Variants in CGNL1 observed in about 807,000 individuals in gnomAD.
CGNL1 encodes the protein cingulin like 1.
CGNL1 carries 132 observed loss-of-function variants against 141.2 expected under a neutral mutation model. The observed-to-expected ratio is 0.93, with a 90% CI of 0.81 to 1.08. The LOEUF (loss-of-function observed/expected upper bound fraction) is 1.08. Among genes scored for constraint, CGNL1 ranks in the 50% least tolerant of loss-of-function variants. The pLI is 0.00. For synonymous variants in CGNL1, 690 were observed against 622.1 expected (o/e 1.11, Z -1.63); for missense variants, 1,870 against 1,588.6 (o/e 1.18, Z -3.01).
chr15:57,429,363 T>C (rs2063017215), intron 1 of CGNL1, among the ~76,000 whole-genome samples: 1 of 152,216 alleles, frequency 6.6e-6, no homozygotes. Flanking sequence ...ATTTTGTGTC[T>C]GCACTAACCA....
intron 1 of CGNL1, among the ~76,000 whole-genome samples, chr15:57,405,749 T>TTTCCTTTC (rs10676149): frequency 6.7e-6 from 1 of 149,920 alleles, no homozygotes. Flanking sequence ...TTTCTTTTCC[T>TTTCCTTTC]TTTTCTTTTT....
chr15:57,464,375 AAAAT>A (rs1224247232), intron 8 of CGNL1, among the ~76,000 whole-genome samples: 11 of 152,196 alleles, frequency 7.2e-5, no homozygotes, highest in African/African-American at 2.2e-4. Flanking sequence ...TTCAAATTAC[AAAAT>A]AAATAAAGAA....
At chr15:57,519,053 T>C (rs1259409232) in intron 10 of CGNL1, among the ~76,000 whole-genome samples, 1 of 152,256 alleles carries the variant, frequency 6.6e-6, no homozygotes, top group Non-Finnish European at 1.5e-5. Flanking sequence ...AGTCATTTCC[T>C]TGAAACTGGA....
At chr15:57,511,823 T>A (rs1416817680) in intron 8 of CGNL1, among the ~76,000 whole-genome samples, 1 of 152,210 alleles carries the variant, frequency 6.6e-6, no homozygotes, top group African/African-American at 2.4e-5. Flanking sequence ...GAGTAATAGC[T>A]AAAATATTGA....
At chr15:57,419,250 T>A (rs2062886708) in intron 1 of CGNL1, among the ~76,000 whole-genome samples, 1 of 151,914 alleles carries the variant, frequency 6.6e-6, no homozygotes, top group Non-Finnish European at 1.5e-5. Context: ...GACATTGCTT[T>A]AAAAAAAACC....
At chr15:57,546,314 C>T (rs2032865223) in intron 18 of CGNL1, 75 bp downstream of exon 18, 1 of 1,445,596 alleles carries the variant, frequency 6.9e-7, no homozygotes, top group African/African-American at 1.4e-5. Flanking sequence ...TCAGAGCATT[C>T]ACACTCCTGT....
At chr15:57,376,841 G>C (rs1235109155) in intron 1 of CGNL1, 1 of 151,990 alleles carries the variant, frequency 6.6e-6, no homozygotes, top group African/African-American at 2.4e-5. Flanking sequence ...GGGTGGGAGG[G>C]AGGAGGCCCT....
Position 57,461,853 on chromosome 15 carries a change from G to GT in CGNL1, c.2366dup (p.Leu789PhefsTer33). On this transcript the variant is annotated frameshift_variant, in exon 8 of 19. Coordinates refer to ENST00000281282, the MANE Select transcript of CGNL1 (RefSeq NM_032866.5). LOFTEE classifies it high-confidence loss of function. ...AGCTGAAGGAGCAATATGATGCTGA[G>GT]TTGCAGGCCCTGAGGGAGAGTGTGG... 6.2e-7 allele frequency: 1 copy of GT among 1,614,004 alleles called. No individual in the cohort carries two copies.
At position 57,550,134 on chromosome 15, in the gene CGNL1, C is replaced by T. The variant is rs371681595; in HGVS notation, c.*2644C>T. ...ATTACCCTAAAAATAGGCTGTTATG[C>T]GTTTTGACAATTGCGCTATCCTACA... is the stretch of plus-strand genomic sequence containing the variant. On this transcript the variant is annotated 3_prime_UTR_variant, in exon 19 of 19. Transcript: ENST00000281282. 2.0e-5 allele frequency: 3 copies of T among 152,208 alleles called. No homozygotes were observed. The highest frequency in any genetic ancestry group is 6.5e-5 in the Admixed American group (1 of 15,290). 9.4% of individuals were successfully genotyped at this position (152,208 alleles called of 1,614,324 possible).
chr15:57,533,284 A>C (rs1038112464), intron 14 of CGNL1, among the ~76,000 whole-genome samples: 2 of 152,188 alleles, frequency 1.3e-5, no homozygotes, highest in African/African-American at 4.8e-5. Context: ...GCACAGGTTT[A>C]GAGAGGGACC....
rs771311971 is a variant in CGNL1 at position 57,439,267 on chromosome 15, AG to A, written c.1270del (p.Val424CysfsTer43). On this transcript the variant is annotated frameshift_variant, in exon 2 of 19. Coordinates refer to ENST00000281282, the MANE Select transcript of CGNL1 (RefSeq NM_032866.5). LOFTEE classifies it high-confidence loss of function. Reference sequence around the variant, plus strand: ...AGCGAACACCTCCTCCGGCCTTCCCAGGTGTGCCCGCAGCGGCCACTGTCTC... The same window carrying A: ...AGCGAACACCTCCTCCGGCCTTCCCAGTGTGCCCGCAGCGGCCACTGTCTC... ...KSSEHLLRPS[Q>X]VCPQRPLSQE... 1 of 1,614,030 alleles carries A rather than the reference AG, an allele frequency of 6.2e-7. No individual in the cohort carries two copies.
chr15:57,456,443 A>G (rs1232460255), intron 7 of CGNL1, among the ~76,000 whole-genome samples: 5 of 151,954 alleles, frequency 3.3e-5, no homozygotes, highest in Non-Finnish European at 7.4e-5. Context: ...TGCTCTGTCT[A>G]TGGAGCAGCC....
At chr15:57,399,881 C>T (rs2152247722) in intron 1 of CGNL1, among the ~76,000 whole-genome samples, 1 of 152,202 alleles carries the variant, frequency 6.6e-6, no homozygotes, top group South Asian at 2.1e-4. Context: ...ATAAAACTCA[C>T]TATTTTCATT....
At chr15:57,499,485 G>A (rs766880245) in intron 8 of CGNL1, among the ~76,000 whole-genome samples, 1 of 152,028 alleles carries the variant, frequency 6.6e-6, no homozygotes, top group African/African-American at 2.4e-5. Context: ...TGATCTGCCT[G>A]TCTTGGCCTC....
chr15:57,526,411 A>G (rs1382832691), intron 12 of CGNL1, among the ~76,000 whole-genome samples: 6 of 151,752 alleles, frequency 4.0e-5, no homozygotes, highest in Non-Finnish European at 8.8e-5. Context: ...ATCCTTAAAA[A>G]ACTCAGGCTC....
chr15:57,434,262 A>G (rs1441846314), intron 1 of CGNL1, among the ~76,000 whole-genome samples: 1 of 152,238 alleles, frequency 6.6e-6, no homozygotes, highest in East Asian at 1.9e-4. Flanking sequence ...TGAGTATTAC[A>G]AATTAAATAC....
intron 13 of CGNL1, among the ~76,000 whole-genome samples, chr15:57,529,220 TG>T (rs2031805915): frequency 1.3e-5 from 2 of 152,214 alleles, no homozygotes; most frequent in African/African-American, 4.8e-5. Flanking sequence ...ATTCTTCATT[TG>T]CCACACCACA....
In CGNL1 at chr15:57,549,464, G is replaced by A. The variant is rs537048936; in HGVS notation, c.*1974G>A. The stretch of plus-strand genomic sequence containing the variant: ...TTCAGAGTGGTCAGCCCAGTTTAAG[G>A]GTGGGAGTCTGGAGCCAGACAGCCA... On this transcript the variant is annotated 3_prime_UTR_variant, in exon 19 of 19. Transcript: ENST00000281282. 6.6e-6 allele frequency: 1 copy of A among 152,360 alleles called. No homozygotes were observed. The highest frequency in any genetic ancestry group is 1.9e-4 in the East Asian group (1 of 5,156). The allele number at this position is 152,360 out of a possible 1,614,324, so 9.4% of individuals were successfully genotyped here.
chr15:57,431,267 C>G (rs2063041484), intron 1 of CGNL1, among the ~76,000 whole-genome samples: 1 of 152,218 alleles, frequency 6.6e-6, no homozygotes, highest in African/African-American at 2.4e-5. Flanking sequence ...ACTCTGCTTT[C>G]ATTTCCAAAC....
Sources: gnomAD v4.1 joint callset for allele counts (sites outside exome capture counted in the v4.1 genomes callset) on GRCh38, gnomAD v4.1.1 for gene constraint, MANE v1.5 for transcripts, NCBI Gene and HGNC (gene_info 2026-07-23, HGNC 2026-07-21) for gene names.